Variants in GNAL observed in about 807,000 individuals in gnomAD.
The protein encoded by GNAL is G protein subunit alpha L.
In GNAL, 18 loss-of-function variants were observed where a neutral mutation model predicts 55.1. That is an observed-to-expected ratio of 0.33 (90% CI 0.23 to 0.48). GNAL has a LOEUF of 0.48. GNAL is among the 20% of genes least tolerant of loss of function. The pLI is 0.99. For synonymous variants in GNAL, 253 were observed against 237.0 expected, an observed-to-expected ratio of 1.07 and a Z score of -0.62; for missense variants, 412 against 614.1, an observed-to-expected ratio of 0.67 and a Z score of 3.48.
At chr18:11,874,840 C>A (rs542651213) in intron 10 of GNAL, among the ~76,000 whole-genome samples, 2 of 150,816 alleles carry the variant, frequency 1.3e-5, no homozygotes, top group Admixed American at 1.3e-4. Flanking sequence ...CCCACCCACC[C>A]CCCACAGCAG....
At chr18:11,780,883 T>C (rs760176690) in intron 4 of GNAL, among the ~76,000 whole-genome samples, 3 of 152,208 alleles carry the variant, frequency 2.0e-5, no homozygotes, top group Non-Finnish European at 4.4e-5. Flanking sequence ...AGACTTTGAC[T>C]TACACATTTC....
At chr18:11,790,114 A>G (rs762635120) in intron 4 of GNAL, among the ~76,000 whole-genome samples, 8 of 152,192 alleles carry the variant, frequency 5.3e-5, no homozygotes, top group Non-Finnish European at 1.0e-4. Context: ...AAATGTATTC[A>G]AAGTAAAAAT....
At chr18:11,775,191 G>A (rs897496172) in intron 4 of GNAL, among the ~76,000 whole-genome samples, 1 of 152,318 alleles carries the variant, frequency 6.6e-6, no homozygotes, top group East Asian at 1.9e-4. Context: ...GTTCTGGGGG[G>A]CCCTGATGAA....
intron 1 of GNAL, among the ~76,000 whole-genome samples, chr18:11,730,253 AG>A (rs2032308035): frequency 6.7e-6 from 1 of 148,736 alleles, no homozygotes; most frequent in Admixed American, 6.7e-5. Flanking sequence ...TCCACCTCCC[AG>A]GTTCAAGCGA....
At chr18:11,793,911 G>GGAA (rs2034306421) in intron 4 of GNAL, among the ~76,000 whole-genome samples, 1 of 106,400 alleles carries the variant, frequency 9.4e-6, no homozygotes. Flanking sequence ...TCCATCTCGG[G>GGAA]AAAAAAAAAA....
chr18:11,707,588 A>G (rs2031742612), intron 1 of GNAL, among the ~76,000 whole-genome samples: 2 of 152,194 alleles, frequency 1.3e-5, no homozygotes, highest in Admixed American at 1.3e-4. Context: ...AGAATGGTAA[A>G]TGAGCATTGA....
At chr18:11,880,533 C>T (rs928137398) in intron 11 of GNAL, among the ~76,000 whole-genome samples, 1 of 152,146 alleles carries the variant, frequency 6.6e-6, no homozygotes, top group African/African-American at 2.4e-5. Flanking sequence ...CAAGACTGCA[C>T]CACTGCACTC....
chr18:11,726,868 G>GT (rs1207490962), intron 1 of GNAL, among the ~76,000 whole-genome samples: 1 of 151,806 alleles, frequency 6.6e-6, no homozygotes. Context: ...AAACCCCAGT[G>GT]TTTAAGACAT....
intron 5 of GNAL, among the ~76,000 whole-genome samples, chr18:11,839,313 G>A (rs1363568654): frequency 2.0e-5 from 3 of 151,936 alleles, no homozygotes; most frequent in Non-Finnish European, 4.4e-5. Context: ...GGAGGCCAAG[G>A]CAGGAGGATC....
At chr18:11,694,354 G>A (rs8089782) in intron 1 of GNAL, among the ~76,000 whole-genome samples, 1,670 of 152,328 alleles carry the variant, frequency 0.011, 30 homozygotes, top group African/African-American at 0.037. Flanking sequence ...CCCCCATGGG[G>A]TCGATCCTGA....
intron 9 of GNAL, among the ~76,000 whole-genome samples, chr18:11,871,251 T>C (rs2586207): frequency 0.25 from 36,481 of 146,408 alleles, 4,928 homozygotes; most frequent in African/African-American, 0.39. Flanking sequence ...GGGTTTTTCT[T>C]TCTTTTTTTT....
chr18:11,807,733 A>C (rs2034702681), intron 4 of GNAL, among the ~76,000 whole-genome samples: 3 of 152,128 alleles, frequency 2.0e-5, no homozygotes, highest in Non-Finnish European at 1.5e-5. Flanking sequence ...CAAAGTGGAG[A>C]TCGCCAAGGC....
intron 5 of GNAL, among the ~76,000 whole-genome samples, chr18:11,856,603 G>A (rs2036012852): frequency 6.6e-6 from 1 of 150,670 alleles, no homozygotes; most frequent in African/African-American, 2.5e-5. Context: ...AGAAATGCCA[G>A]GACAAACAAT....
chr18:11,827,510 G>C (rs2035276954), intron 5 of GNAL, among the ~76,000 whole-genome samples: 2 of 151,284 alleles, frequency 1.3e-5, no homozygotes, highest in Non-Finnish European at 2.9e-5. Context: ...GCTACTCGGA[G>C]GTTGAGGCAG....
chr18:11,725,988 C>G (rs1436401283), intron 1 of GNAL, among the ~76,000 whole-genome samples: 1 of 152,216 alleles, frequency 6.6e-6, no homozygotes, highest in African/African-American at 2.4e-5. Flanking sequence ...ACCGTTCGGT[C>G]CCAGCACCAT....
chr18:11,859,242 G>C (rs2036075099), intron 5 of GNAL, among the ~76,000 whole-genome samples: 1 of 152,142 alleles, frequency 6.6e-6, no homozygotes, highest in African/African-American at 2.4e-5. Context: ...GATTACAACT[G>C]TTGTAGCCTG....
intron 1 of GNAL, among the ~76,000 whole-genome samples, chr18:11,701,292 C>T (rs757671021): frequency 6.6e-6 from 1 of 151,996 alleles, no homozygotes; most frequent in Non-Finnish European, 1.5e-5. Flanking sequence ...AATGTTTGTA[C>T]ACAAATGCAT....
chr18:11,773,489 G>C (rs1161577989), intron 4 of GNAL, among the ~76,000 whole-genome samples: 1 of 152,144 alleles, frequency 6.6e-6, no homozygotes, highest in East Asian at 1.9e-4. Flanking sequence ...TAATAGGCCA[G>C]ATGCAGTGGC....
At chr18:11,861,991 A>AG (rs1555615387) in intron 5 of GNAL, among the ~76,000 whole-genome samples, 3 of 55,860 alleles carry the variant, frequency 5.4e-5, no homozygotes, top group African/African-American at 1.3e-4. Flanking sequence ...CACACACACA[A>AG]CATCTGGATT....
Sources: allele counts gnomAD v4.1 joint callset (sites outside exome capture counted in the v4.1 genomes callset), GRCh38; gene constraint gnomAD v4.1.1; transcripts MANE v1.5; gene names NCBI Gene and HGNC (gene_info 2026-07-23, HGNC 2026-07-21).